Variants in SNRPN observed in about 807,000 individuals in gnomAD.
The protein encoded by SNRPN is small nuclear ribonucleoprotein-associated protein N.
A neutral mutation model predicts 25.2 loss-of-function variants in SNRPN; 7 were observed. The ratio of observed to expected loss-of-function variants is 0.28; its 90% confidence interval spans 0.16 to 0.52. The LOEUF is 0.52. Among genes scored for constraint, SNRPN ranks in the 20% least tolerant of loss-of-function variants. The pLI, the probability that SNRPN is intolerant of heterozygous loss-of-function variation, is 0.96. For synonymous variants in SNRPN, 124 were observed against 110.6 expected (o/e 1.12, Z -0.76); for missense variants, 196 against 322.5 (o/e 0.61, Z 3.00).
Position 24,968,099 on chromosome 15 carries a change from C to A in SNRPN, c.-144+17C>A. Reference sequence around the variant, plus strand: ...AAAAACCAGGTTAGAGCTAATGCAGCAATGATCAAGAATAAAGAATCATTA... The same window carrying A: ...AAAAACCAGGTTAGAGCTAATGCAGAAATGATCAAGAATAAAGAATCATTA... On this transcript the variant is annotated intron_variant, in intron 3 of 9. Coordinates refer to ENST00000390687, the MANE Select transcript of SNRPN (RefSeq NM_003097.6). 1 of 1,362,546 alleles carries A rather than the reference C, an allele frequency of 7.3e-7. No individual in the cohort carries two copies. 84.4% of individuals were successfully genotyped at this position (1,362,546 alleles called of 1,614,324 possible).
chr15:24,878,269 T>C (rs1454520403), intron 1 of SNRPN, among the ~76,000 whole-genome samples: 1 of 152,230 alleles, frequency 6.6e-6, no homozygotes, highest in Admixed American at 6.5e-5. Context: ...CGGGTCTCAC[T>C]GCTACCCACA....
upstream of SNRPN, among the ~76,000 whole-genome samples, chr15:24,951,818 A>C (rs2062298009): frequency 6.6e-6 from 1 of 152,082 alleles, no homozygotes; most frequent in South Asian, 2.1e-4. Flanking sequence ...AAGTACTAAC[A>C]CTTCTTTATA....
At chr15:24,864,687 T>G (rs1464476742) in intron 1 of SNRPN, among the ~76,000 whole-genome samples, 2 of 151,998 alleles carry the variant, frequency 1.3e-5, no homozygotes, top group Non-Finnish European at 2.9e-5. Flanking sequence ...ATAGATACAT[T>G]TCCCCCCTAT....
At chr15:24,855,592 C>G (rs1037034543), upstream of SNRPN, among the ~76,000 whole-genome samples, 6 of 152,098 alleles carry the variant, frequency 3.9e-5, no homozygotes, top group African/African-American at 9.6e-5. Context: ...AAGTTTGAGA[C>G]CAGCCTGGCC....
chr15:24,883,751 C>G (rs7171590), intron 1 of SNRPN, among the ~76,000 whole-genome samples: 1,720 of 152,180 alleles, frequency 0.011, 30 homozygotes, highest in African/African-American at 0.039. Flanking sequence ...GTGGCTCATG[C>G]CTGTAATTCC....
intron 3 of SNRPN, among the ~76,000 whole-genome samples, chr15:24,930,630 G>A (rs1398014501): frequency 1.4e-5 from 2 of 146,594 alleles, no homozygotes; most frequent in African/African-American, 5.0e-5. Flanking sequence ...AGTGGCTCAC[G>A]CCTGTAATCC....
chr15:24,966,064 C>G (rs914627800), intron 2 of SNRPN, among the ~76,000 whole-genome samples: 1 of 152,082 alleles, frequency 6.6e-6, no homozygotes, highest in African/African-American at 2.4e-5. Context: ...CAGTGCAATT[C>G]TGACTACTTG....
Position 24,871,936 on chromosome 15 carries a change from A to C in SNRPN, c.-578-14580A>C, listed in dbSNP as rs1028043014. Among the ~76,000 whole-genome samples, 28 of 119,074 alleles carry C rather than the reference A, an allele frequency of 2.4e-4. 7 individuals carry two copies. The highest frequency in any genetic ancestry group is 5.0e-4 in the Non-Finnish European group (27 of 54,396). The allele number at this position is 119,074 out of a possible 152,430, so 78.1% of individuals were successfully genotyped here. A position where few individuals can be genotyped will look rare whatever the true frequency, so the allele number is the denominator to read the frequency against. On this transcript the variant is annotated intron_variant, in intron 1 of 11. Transcript: ENST00000400097. ...TAGCCAGGATGGTCTCGATCTCCTGACTTCATGATTCGCCCACCTCAGCCT... is the reference window on the plus strand; with the variant it reads ...TAGCCAGGATGGTCTCGATCTCCTGCCTTCATGATTCGCCCACCTCAGCCT...
chr15:24,865,189 G>A (rs1430516942), intron 1 of SNRPN, among the ~76,000 whole-genome samples: 1 of 151,950 alleles, frequency 6.6e-6, no homozygotes, highest in Admixed American at 6.6e-5. Context: ...TGGGATTACG[G>A]GCACCTGCCA....
upstream of SNRPN, among the ~76,000 whole-genome samples, chr15:24,855,542 C>T (rs1224829201): frequency 6.6e-6 from 1 of 152,064 alleles, no homozygotes; most frequent in Non-Finnish European, 1.5e-5. Flanking sequence ...GTAATACCAG[C>T]ATTTTGGGAG....
At chr15:24,916,553 TAGAAGAAAAAAAA>T (rs993870405) in intron 2 of SNRPN, among the ~76,000 whole-genome samples, 1 of 151,814 alleles carries the variant, frequency 6.6e-6, no homozygotes, top group African/African-American at 2.4e-5. Flanking sequence ...AGATCGTCTC[TAGAAGAAAAAAAA>T]AGAAGAAAAA....
intron 2 of SNRPN, among the ~76,000 whole-genome samples, chr15:24,886,872 C>T (rs2057244336): frequency 6.6e-6 from 1 of 152,026 alleles, no homozygotes; most frequent in African/African-American, 2.4e-5. Flanking sequence ...TGTTACATTT[C>T]TTCTTCACAT....
intron 3 of SNRPN, among the ~76,000 whole-genome samples, chr15:24,940,688 C>T (rs187607966): frequency 6.6e-6 from 1 of 152,230 alleles, no homozygotes; most frequent in East Asian, 1.9e-4. Flanking sequence ...GGAGTTCTGA[C>T]AACTTTGGTG....
At chr15:24,890,594 G>T (rs1008090102) in intron 2 of SNRPN, among the ~76,000 whole-genome samples, 1 of 152,052 alleles carries the variant, frequency 6.6e-6, no homozygotes, top group Non-Finnish European at 1.5e-5. Context: ...CAGGAGAATC[G>T]CTTGAACCCA....
chr15:24,971,809 T>G (rs1019462870), intron 3 of SNRPN, among the ~76,000 whole-genome samples: 1 of 152,166 alleles, frequency 6.6e-6, no homozygotes, highest in Admixed American at 6.5e-5. Flanking sequence ...AAGCAATGAT[T>G]TAAGTAAATT....
intron 3 of SNRPN, among the ~76,000 whole-genome samples, chr15:24,939,287 A>G (rs1054579173): frequency 6.6e-6 from 1 of 152,058 alleles, no homozygotes; most frequent in African/African-American, 2.4e-5. Flanking sequence ...ATGGGTGTGA[A>G]GTGGTATCTC....
chr15:24,866,069 T>A (rs1191552950), intron 1 of SNRPN, among the ~76,000 whole-genome samples: 1 of 152,188 alleles, frequency 6.6e-6, no homozygotes, highest in African/African-American at 2.4e-5. Flanking sequence ...AATTATTATA[T>A]CTTCTTGGAA....
At chr15:24,881,848 G>A (rs1008679281) in intron 1 of SNRPN, among the ~76,000 whole-genome samples, 9 of 152,096 alleles carry the variant, frequency 5.9e-5, no homozygotes, top group African/African-American at 7.2e-5. Context: ...ATGTATAATC[G>A]TCAAGTCTTC....
chr15:24,939,240 C>T (rs141347962), intron 3 of SNRPN, among the ~76,000 whole-genome samples: 21 of 152,142 alleles, frequency 1.4e-4, no homozygotes, highest in African/African-American at 3.6e-4. Context: ...CCATGACTTA[C>T]GTTCTGTTTC....
Sources: gnomAD v4.1 joint callset for allele counts (sites outside exome capture counted in the v4.1 genomes callset) on GRCh38, gnomAD v4.1.1 for gene constraint, MANE v1.5 for transcripts, NCBI Gene and HGNC (gene_info 2026-07-23, HGNC 2026-07-21) for gene names.